Variants in BICC1 observed in about 807,000 individuals in gnomAD.
BICC1 encodes BicC family RNA binding protein 1, also known as protein bicaudal C homolog 1.
In BICC1, 43 loss-of-function variants were observed where a neutral mutation model predicts 111.0. The ratio of observed to expected loss-of-function variants is 0.39; its 90% CI spans 0.30 to 0.50. BICC1 has a LOEUF of 0.50. Among genes scored for constraint, BICC1 ranks in the 20% least tolerant of loss-of-function variants. The pLI, the probability that BICC1 is intolerant of heterozygous loss-of-function variation, is 0.88. For missense variants in BICC1, 1,091 were observed against 1,203.2 expected, an observed-to-expected ratio of 0.91 and a Z score of 1.38; for synonymous variants, 467 against 434.4, an observed-to-expected ratio of 1.07 and a Z score of -0.93.
At chr10:58,600,791 G>A (rs148955120) in intron 1 of BICC1, among the ~76,000 whole-genome samples, 1 of 151,946 alleles carries the variant, frequency 6.6e-6, no homozygotes, top group Non-Finnish European at 1.5e-5. Flanking sequence ...TAGTAAATGT[G>A]ATTTTCTAAT....
chr10:58,605,301 A>G (rs1845174817), intron 1 of BICC1, among the ~76,000 whole-genome samples: 3 of 152,198 alleles, frequency 2.0e-5, no homozygotes, highest in African/African-American at 7.2e-5. Context: ...TCTGTTCCCT[A>G]GATGTAGCTG....
chr10:58,526,626 T>C (rs560155232), intron 1 of BICC1, among the ~76,000 whole-genome samples: 1 of 152,274 alleles, frequency 6.6e-6, no homozygotes, highest in East Asian at 1.9e-4. Flanking sequence ...CCCCACCCTG[T>C]GTCCAAGTGT....
At chr10:58,565,088 C>CAT (rs10639223) in intron 1 of BICC1, among the ~76,000 whole-genome samples, 151,388 of 152,322 alleles carry the variant, frequency 0.99, 75,233 homozygotes, top group East Asian at 1. Flanking sequence ...TCCTGGGTAT[C>CAT]GTGAATATTC....
At chr10:58,672,529 G>A (rs1030332785) in intron 2 of BICC1, among the ~76,000 whole-genome samples, 13 of 152,022 alleles carry the variant, frequency 8.6e-5, no homozygotes, top group Admixed American at 3.3e-4. Context: ...GACTAGTTGG[G>A]GTCTGTATGT....
chr10:58,700,186 G>T (rs930531284), intron 2 of BICC1, among the ~76,000 whole-genome samples: 1 of 152,192 alleles, frequency 6.6e-6, no homozygotes. Context: ...AATAAACACA[G>T]TGAGGTGGGA....
rs1215185292 is a variant in BICC1, at chr10:58,830,193, C to T, written c.*1302C>T. The T allele has an allele frequency of 6.6e-6, 1 of 152,024 alleles. No homozygotes were observed. The highest frequency in any genetic ancestry group is 1.9e-4 in the East Asian group (1 of 5,182). The allele number at this position is 152,024 out of a possible 1,614,324, so 9.4% of individuals were successfully genotyped here. ...TTTTAAGTGGCTAGAGTCATTATTA[C>T]AATCTTATACTGTGAAAGTCCAAGA... is the stretch of plus-strand genomic sequence containing the variant. On this transcript the variant is annotated 3_prime_UTR_variant, in exon 21 of 21. Coordinates refer to ENST00000373886, the MANE Select transcript of BICC1 (RefSeq NM_001080512.3).
chr10:58,684,840 T>A (rs1163991930), intron 2 of BICC1, among the ~76,000 whole-genome samples: 1 of 152,238 alleles, frequency 6.6e-6, no homozygotes, highest in Non-Finnish European at 1.5e-5. Context: ...ATTCATTGAC[T>A]TTTTGAAGGG....
intron 2 of BICC1, among the ~76,000 whole-genome samples, chr10:58,671,347 A>G (rs925498406): frequency 1.7e-4 from 26 of 152,148 alleles, no homozygotes; most frequent in Non-Finnish European, 1.5e-5. Flanking sequence ...AGATTCTTCC[A>G]CCTTTACTGT....
In BICC1 at chr10:58,628,767, G is replaced by T. The variant is rs545930796; in HGVS notation, c.237+7866G>T. ...TATAACCTTTAGGCACTGTTACATT[G>T]GTCACTGACATGAAGAATCGACATT... On this transcript the variant is annotated intron_variant, in intron 2 of 20. Coordinates refer to ENST00000373886, the MANE Select transcript of BICC1 (RefSeq NM_001080512.3). Among the ~76,000 whole-genome samples the T allele has an allele frequency of 1.7e-3, 265 of 152,038 alleles. 2 individuals carry two copies. Among genetic ancestry groups the T allele is most frequent in the Non-Finnish European group, 3.3e-3 (225 of 68,002 alleles).
chr10:58,525,197 C>A (rs368809264), intron 1 of BICC1, among the ~76,000 whole-genome samples: 1 of 133,588 alleles, frequency 7.5e-6, no homozygotes, highest in Non-Finnish European at 1.7e-5. Context: ...TTTGACCCAG[C>A]AATCCCATTA....
Position 58,800,710 on chromosome 10 carries a change from A to C in BICC1, c.1859-180A>C, listed in dbSNP as rs964980269. On this transcript the variant is annotated intron_variant, in intron 13 of 20. Coordinates refer to ENST00000373886, the MANE Select transcript of BICC1 (RefSeq NM_001080512.3). ...AAAATATATGCGGGTCTTCTCTTCA[A>C]ATTGAGTTTTTGTGACAACCTGAAC... Among the ~76,000 whole-genome samples, 4 of 152,258 alleles carry C rather than the reference A, an allele frequency of 2.6e-5. No individual in the cohort carries two copies. In the East Asian group the frequency reaches 5.8e-4, roughly 22 times the overall value.
At position 58,694,229 on chromosome 10, in the gene BICC1, T is replaced by C. The variant is rs185102341; in HGVS notation, c.238-7845T>C. On this transcript the variant is annotated intron_variant, in intron 2 of 20. Transcript: ENST00000373886. ...CACCTTTGTTGGTCAGTTTCCCCTT[T>C]TGATTTACCCATTTTTGTAAAATGC... 2.0e-3 allele frequency among the ~76,000 whole-genome samples: 307 copies of C among 152,258 alleles called. 6 individuals carry two copies. Among genetic ancestry groups the C allele is most frequent in the Non-Finnish European group, 3.4e-4 (23 of 68,012 alleles).
At chr10:58,762,015 G>A (rs905425172) in intron 3 of BICC1, among the ~76,000 whole-genome samples, 7 of 152,080 alleles carry the variant, frequency 4.6e-5, no homozygotes, top group African/African-American at 1.4e-4. Context: ...TCAGTTTGAG[G>A]TCAAACCCCT....
intron 1 of BICC1, among the ~76,000 whole-genome samples, chr10:58,543,315 C>G (rs970045188): frequency 1.3e-5 from 2 of 152,020 alleles, no homozygotes; most frequent in African/African-American, 4.8e-5. Flanking sequence ...AATAGCCATA[C>G]TCTTAGAAAC....
chr10:58,674,843 G>A (rs1296947897), intron 2 of BICC1, among the ~76,000 whole-genome samples: 1 of 152,150 alleles, frequency 6.6e-6, no homozygotes, highest in Non-Finnish European at 1.5e-5. Context: ...TATAAGTAGG[G>A]AGCTCTGAGA....
chr10:58,798,639 C>T lies in BICC1; in HGVS notation c.1528+79C>T, dbSNP rs1427519300. 4 of 1,338,152 alleles carry T rather than the reference C, an allele frequency of 3.0e-6. No individual in the cohort carries two copies. The Admixed American group carries it at 8.3e-5, about 28-fold the overall frequency. The allele number at this position is 1,338,152 out of a possible 1,614,324, so 82.9% of individuals were successfully genotyped here. A position where few individuals can be genotyped will look rare whatever the true frequency, so the allele number is the denominator to read the frequency against. ...TTTTAAATAAAATTTACGAAGGGCTCAGTTTTCTTAAGGCAAAATTAGGGT... is the reference window on the plus strand; with the variant it reads ...TTTTAAATAAAATTTACGAAGGGCTTAGTTTTCTTAAGGCAAAATTAGGGT... On this transcript the variant is annotated intron_variant, in intron 11 of 20. Coordinates refer to ENST00000373886, the MANE Select transcript of BICC1 (RefSeq NM_001080512.3).
At chr10:58,711,235 A>G (rs1840561995) in intron 3 of BICC1, among the ~76,000 whole-genome samples, 1 of 152,236 alleles carries the variant, frequency 6.6e-6, no homozygotes, top group Non-Finnish European at 1.5e-5. Context: ...AAATTCACCC[A>G]AAGAGTTGAA....
In BICC1 at chr10:58,787,096, C is replaced by T; in HGVS notation, c.546+15C>T. The T allele has an allele frequency of 6.4e-7, 1 of 1,553,664 alleles. No homozygotes were observed. Among genetic ancestry groups the T allele is most frequent in the Non-Finnish European group, 8.6e-7 (1 of 1,156,368 alleles). On this transcript the variant is annotated intron_variant, in intron 5 of 20. Coordinates refer to ENST00000373886, the MANE Select transcript of BICC1 (RefSeq NM_001080512.3). The stretch of plus-strand genomic sequence containing the variant: ...AAAGCAACCAGGTGGTTTGTCTTTT[C>T]ACATGAACTTTTATGGGATGAATTA...
At chr10:58,785,574 T>C (rs1228236081) in intron 4 of BICC1, among the ~76,000 whole-genome samples, 3 of 152,072 alleles carry the variant, frequency 2.0e-5, no homozygotes, top group Admixed American at 6.6e-5. Flanking sequence ...TCTCTCTCTC[T>C]CTGTAAGTAT....
Sources: allele counts gnomAD v4.1 joint callset (sites outside exome capture counted in the v4.1 genomes callset), GRCh38; gene constraint gnomAD v4.1.1; transcripts MANE v1.5; gene names NCBI Gene and HGNC (gene_info 2026-07-23, HGNC 2026-07-21).